Variants in DMD observed in about 807,000 individuals in gnomAD.
DMD encodes the protein dystrophin.
DMD carries 63 observed loss-of-function variants against 330.1 expected under a neutral mutation model. That is an observed-to-expected ratio of 0.19 (90% confidence interval 0.16 to 0.24). The LOEUF is 0.24. Ranked by LOEUF, DMD falls within the 10% of genes least tolerant of loss-of-function variation. The probability of loss-of-function intolerance (pLI) is 1.00; values close to 1 mark genes in which losing one functional copy is unlikely to be tolerated. For synonymous variants in DMD, 1,223 were observed against 959.8 expected, an observed-to-expected ratio of 1.27 and a Z score of -5.07; for missense variants, 3,344 against 2,684.1, an observed-to-expected ratio of 1.25 and a Z score of -5.43.
At chrX:33,066,365 C>T (rs2148121588) in intron 1 of DMD, among the ~76,000 whole-genome samples, 1 of 100,377 alleles carries the variant, frequency 1.0e-5, no homozygotes, top group African/African-American at 3.7e-5. Flanking sequence ...ATGAGAATCG[C>T]TTGAACCTGG....
At chrX:33,234,745 G>A (rs888454819) in intron 1 of DMD, among the ~76,000 whole-genome samples, 2 of 111,539 alleles carry the variant, frequency 1.8e-5, no homozygotes, top group Admixed American at 9.6e-5. Flanking sequence ...TCCAAGAGTC[G>A]ATTTTTTGTA....
Position 31,683,626 on chromosome X carries a change from C to T in DMD, c.7661-4040G>A, listed in dbSNP as rs182926070. ...TATGGCACATAGACTGAGCCCAACA[C>T]CGGGCTGGGAATGGACTCCTGGAAA... On this transcript the variant is annotated intron_variant, in intron 52 of 78. Transcript: ENST00000357033. 9.3e-3 allele frequency among the ~76,000 whole-genome samples: 1,039 copies of T among 111,687 alleles called. 35 individuals carry two copies. The highest frequency in any genetic ancestry group is 0.091 in the Admixed American group (958 of 10,549).
intron 9 of DMD, among the ~76,000 whole-genome samples, chrX:32,671,191 A>C (rs2061611995): frequency 1.8e-5 from 2 of 110,820 alleles, no homozygotes. Context: ...GATCTTTCAG[A>C]AATTTGGCCT....
At position 32,201,469 on chromosome X, in the gene DMD, A is replaced by AC. The variant is rs746153568; in HGVS notation, c.6438+15446dup. Among the ~76,000 whole-genome samples, 308 of 48,435 alleles carry AC rather than the reference A, an allele frequency of 6.4e-3. 10 individuals are homozygous for AC. The highest frequency in any genetic ancestry group is 8.5e-3 in the Non-Finnish European group (230 of 27,020). 42.1% of individuals were successfully genotyped at this position (48,435 alleles called of 115,157 possible). A position where few individuals can be genotyped will look rare whatever the true frequency, so the allele number is the denominator to read the frequency against. Reference sequence around the variant, plus strand: ...AGACTATTTATATGCAAATTCAAACACCCCCCCCCCCCCCAACAAGGAGGC... The same window carrying AC: ...AGACTATTTATATGCAAATTCAAACACCCCCCCCCCCCCCCAACAAGGAGGC... On this transcript the variant is annotated intron_variant, in intron 44 of 78. Coordinates refer to ENST00000357033, the MANE Select transcript of DMD (RefSeq NM_004006.3).
At chrX:32,921,742 G>A (rs1043646774) in intron 2 of DMD, among the ~76,000 whole-genome samples, 4 of 111,024 alleles carry the variant, frequency 3.6e-5, no homozygotes, top group Non-Finnish European at 7.6e-5. Flanking sequence ...TAGGTAATTG[G>A]AGCTTTAAGA....
intron 1 of DMD, among the ~76,000 whole-genome samples, chrX:33,085,718 A>G (rs1239632778): frequency 1.8e-5 from 2 of 111,662 alleles, no homozygotes; most frequent in Admixed American, 9.6e-5. Context: ...TCTTACCAAT[A>G]GGCTGTCAGA....
At chrX:31,819,216 AGACT>A (rs1371552872) in intron 50 of DMD, among the ~76,000 whole-genome samples, 1 of 112,458 alleles carries the variant, frequency 8.9e-6, no homozygotes, top group Non-Finnish European at 1.9e-5. Flanking sequence ...AAAATAAAAT[AGACT>A]GAAAATATGC....
chrX:31,254,450 G>A (rs1360949174), intron 63 of DMD, among the ~76,000 whole-genome samples: 3 of 110,754 alleles, frequency 2.7e-5, no homozygotes, highest in Admixed American at 9.6e-5. Context: ...TCGTCCTCCC[G>A]GGCTCAAGCG....
At chrX:32,362,256 TAAAC>T (rs936370535) in intron 37 of DMD, among the ~76,000 whole-genome samples, 2 of 100,246 alleles carry the variant, frequency 2.0e-5, no homozygotes, top group South Asian at 5.1e-4. Flanking sequence ...AAAAGCAAGT[TAAAC>T]AAACACACTT....
intron 5 of DMD, among the ~76,000 whole-genome samples, chrX:32,819,572 G>C (rs944901671): frequency 1.8e-5 from 2 of 111,909 alleles, no homozygotes; most frequent in Non-Finnish European, 3.8e-5. Context: ...TTTTAGGCTA[G>C]CAATTTTATT....
intron 55 of DMD, among the ~76,000 whole-genome samples, chrX:31,526,299 A>G (rs2073235801): frequency 8.9e-6 from 1 of 112,250 alleles, no homozygotes; most frequent in African/African-American, 3.2e-5. Context: ...TAAATAGTGA[A>G]TTAACACAGT....
chrX:32,618,083 C>T (rs1371113213), intron 11 of DMD, among the ~76,000 whole-genome samples: 1 of 111,921 alleles, frequency 8.9e-6, no homozygotes, highest in Non-Finnish European at 1.9e-5. Flanking sequence ...TAAATTATTT[C>T]AACTATTGTT....
chrX:32,731,012 A>G (rs2067541753), intron 7 of DMD, among the ~76,000 whole-genome samples: 1 of 111,661 alleles, frequency 9.0e-6, no homozygotes, highest in East Asian at 2.8e-4. Flanking sequence ...GGTTCATCTC[A>G]CTAGGGAGTG....
intron 52 of DMD, among the ~76,000 whole-genome samples, chrX:31,724,914 C>T (rs1354793174): frequency 1.8e-5 from 2 of 112,209 alleles, no homozygotes; most frequent in Non-Finnish European, 3.8e-5. Flanking sequence ...CTAGTCTGTA[C>T]ATCTCCAACA....
At chrX:31,690,773 G>C (rs1010390834) in intron 52 of DMD, among the ~76,000 whole-genome samples, 2 of 111,845 alleles carry the variant, frequency 1.8e-5, no homozygotes, top group Non-Finnish European at 3.8e-5. Flanking sequence ...ATACACCATG[G>C]AATACTATGC....
intron 44 of DMD, among the ~76,000 whole-genome samples, chrX:32,076,664 C>G (rs1338635568): frequency 1.8e-5 from 2 of 111,747 alleles, no homozygotes; most frequent in Non-Finnish European, 3.8e-5. Flanking sequence ...CAGGCGTGAG[C>G]CACCCTGCCC....
At chrX:31,896,560 T>A (rs1428230935) in intron 47 of DMD, among the ~76,000 whole-genome samples, 1 of 112,064 alleles carries the variant, frequency 8.9e-6, no homozygotes, top group Non-Finnish European at 1.9e-5. Context: ...CCTAATTTTA[T>A]ATTTGTCCTG....
At chrX:32,388,174 G>T (rs1004516706) in intron 32 of DMD, among the ~76,000 whole-genome samples, 25 of 110,951 alleles carry the variant, frequency 2.3e-4, no homozygotes, top group African/African-American at 7.8e-4. Flanking sequence ...TTGTACTGAC[G>T]CAGGGCACAG....
intron 44 of DMD, among the ~76,000 whole-genome samples, chrX:32,055,488 T>C (rs76052007): frequency 9.1e-6 from 1 of 109,717 alleles, no homozygotes; most frequent in African/African-American, 3.3e-5. Context: ...AGCAATAATA[T>C]AGAAGTTTCA....
Sources: gnomAD v4.1 joint callset for allele counts (sites outside exome capture counted in the v4.1 genomes callset) on GRCh38, gnomAD v4.1.1 for gene constraint, MANE v1.5 for transcripts, NCBI Gene and HGNC (gene_info 2026-07-23, HGNC 2026-07-21) for gene names.